The following SHTN1 variants were observed in gnomAD, a reference collection of about 807,000 sequenced individuals.
SHTN1 encodes shootin 1.
In SHTN1, 42 loss-of-function variants were observed where a neutral mutation model predicts 83.1. The observed-to-expected ratio is 0.51, with a 90% CI of 0.39 to 0.65. SHTN1 has a LOEUF of 0.65. SHTN1 is among the 30% of genes least tolerant of loss of function. The pLI is 0.00. For missense variants in SHTN1, 622 were observed against 737.8 expected (o/e 0.84, Z 1.82); for synonymous variants, 224 against 247.7 (o/e 0.90, Z 0.90).
At chr10:116,954,520 A>T (rs1335408738) in intron 4 of SHTN1, among the ~76,000 whole-genome samples, 2 of 152,312 alleles carry the variant, frequency 1.3e-5, no homozygotes, top group East Asian at 1.9e-4. Flanking sequence ...TAATAGTCTT[A>T]AAAAAGGCAC....
chr10:117,124,570 CA>C (rs1227544808), intron 1 of SHTN1, among the ~76,000 whole-genome samples: 5 of 152,232 alleles, frequency 3.3e-5, no homozygotes, highest in Admixed American at 1.3e-4. Flanking sequence ...GTCAGGAGTT[CA>C]AGATCAGCCT....
At chr10:116,967,074 T>C (rs1048259833) in intron 3 of SHTN1, among the ~76,000 whole-genome samples, 8 of 152,230 alleles carry the variant, frequency 5.3e-5, no homozygotes, top group Non-Finnish European at 1.2e-4. Flanking sequence ...AATAAAATGT[T>C]CTGTTGTGTA....
intron 1 of SHTN1, among the ~76,000 whole-genome samples, chr10:117,001,158 T>C (rs930745185): frequency 6.6e-6 from 1 of 151,772 alleles, no homozygotes; most frequent in African/African-American, 2.4e-5. Context: ...ATCAGTCCAA[T>C]AAAATAAAGC....
At chr10:117,052,268 G>GA (rs2133589269) in intron 1 of SHTN1, among the ~76,000 whole-genome samples, 1 of 151,698 alleles carries the variant, frequency 6.6e-6, no homozygotes, top group South Asian at 2.1e-4. Context: ...ATTACTAAAA[G>GA]AAAATTTTAA....
chr10:117,020,230 C>T (rs1852239944), intron 2 of SHTN1, among the ~76,000 whole-genome samples: 1 of 151,936 alleles, frequency 6.6e-6, no homozygotes, highest in African/African-American at 2.4e-5. Flanking sequence ...TGGCTCATGC[C>T]TGTAATCCCA....
chr10:116,932,193 T>C (rs1227032552), intron 9 of SHTN1, among the ~76,000 whole-genome samples: 1 of 152,150 alleles, frequency 6.6e-6, no homozygotes, highest in Admixed American at 6.6e-5. Context: ...AAATAACTGA[T>C]ACTCTAGAGC....
At chr10:116,929,805 C>T in intron 10 of SHTN1, 44 bp downstream of exon 10, 1 of 1,427,338 alleles carries the variant, frequency 7.0e-7, no homozygotes, top group Non-Finnish European at 9.5e-7. Context: ...ATGAGTAATT[C>T]AAAGATTAAT....
chr10:116,964,910 G>A (rs1850335191), intron 3 of SHTN1, among the ~76,000 whole-genome samples: 1 of 152,028 alleles, frequency 6.6e-6, no homozygotes, highest in Non-Finnish European at 1.5e-5. Flanking sequence ...AGGTTGCAGT[G>A]GGCCAAGAAC....
intron 16 of SHTN1, among the ~76,000 whole-genome samples, chr10:116,896,702 C>T (rs1564863384): frequency 2.0e-5 from 3 of 152,012 alleles, no homozygotes; most frequent in South Asian, 2.1e-4. Flanking sequence ...ACCAGCAGAG[C>T]GGCTCCGAAG....
intron 1 of SHTN1, among the ~76,000 whole-genome samples, chr10:116,995,336 T>C (rs1214849798): frequency 6.6e-6 from 1 of 152,158 alleles, no homozygotes; most frequent in African/African-American, 2.4e-5. Flanking sequence ...AAGGAGAAAC[T>C]GAACTCCTAA....
chr10:116,974,566 G>A (rs1242819201), intron 2 of SHTN1, among the ~76,000 whole-genome samples: 1 of 152,076 alleles, frequency 6.6e-6, no homozygotes, highest in Non-Finnish European at 1.5e-5. Flanking sequence ...TTCATTCATT[G>A]TTCCTGGCAA....
At chr10:117,099,377 T>G (rs7100875) in intron 1 of SHTN1, among the ~76,000 whole-genome samples, 2,319 of 152,120 alleles carry the variant, frequency 0.015, 65 homozygotes, top group African/African-American at 0.053. Flanking sequence ...CCAAAAACTA[T>G]TGGAATAAAA....
intron 6 of SHTN1, among the ~76,000 whole-genome samples, chr10:116,951,451 A>C (rs1033280085): frequency 3.9e-5 from 6 of 152,098 alleles, no homozygotes; most frequent in African/African-American, 1.4e-4. Flanking sequence ...CAGAAAAGAA[A>C]GATTCTGTAA....
At chr10:117,006,418 T>C (rs1392008806), upstream of SHTN1, among the ~76,000 whole-genome samples, 2 of 151,662 alleles carry the variant, frequency 1.3e-5, no homozygotes, top group Admixed American at 1.3e-4. Context: ...TACAAAAAAT[T>C]AGCCGGGCGT....
chr10:117,002,737 T>C (rs1364674380), intron 1 of SHTN1, among the ~76,000 whole-genome samples: 1 of 152,212 alleles, frequency 6.6e-6, no homozygotes, highest in Non-Finnish European at 1.5e-5. Flanking sequence ...GCAAACTACC[T>C]GGTTTTGAAA....
At chr10:116,945,110 A>C in intron 7 of SHTN1, 92 bp from the exon 8 acceptor site, 1 of 800,310 alleles carries the variant, frequency 1.2e-6, no homozygotes, top group South Asian at 1.6e-5. Context: ...AAGATTTTTC[A>C]TACCAGCATA....
At chr10:116,973,781 C>A (rs886730895) in intron 2 of SHTN1, 8 of 936,046 alleles carry the variant, frequency 8.5e-6, no homozygotes, top group African/African-American at 1.7e-5. Flanking sequence ...TCTTGAAGTT[C>A]ATTAATGTCC....
At chr10:116,901,704 A>G (rs2133324572) in intron 16 of SHTN1, 61 bp downstream of exon 16, 1 of 1,427,812 alleles carries the variant, frequency 7.0e-7, no homozygotes, top group East Asian at 2.7e-5. Flanking sequence ...TCAAAGAAAC[A>G]CACAAGTTAG....
chr10:117,123,833 C>G, intron 1 of SHTN1, among the ~76,000 whole-genome samples: 1 of 149,350 alleles, frequency 6.7e-6, no homozygotes, highest in Non-Finnish European at 1.5e-5. Flanking sequence ...TGCTTGAACC[C>G]GAGAGGCAGT....
Sources: allele counts gnomAD v4.1 joint callset (sites outside exome capture counted in the v4.1 genomes callset), GRCh38; gene constraint gnomAD v4.1.1; transcripts MANE v1.5; gene names NCBI Gene and HGNC (gene_info 2026-07-23, HGNC 2026-07-21).